PAWR: variants seen among roughly 807,000 people sequenced by gnomAD.
PAWR encodes the protein pro-apoptotic WT1 regulator.
PAWR carries 23 observed loss-of-function variants against 32.0 expected under a neutral mutation model. The ratio of observed to expected loss-of-function variants is 0.72; its 90% CI spans 0.52 to 1.02. PAWR has a LOEUF of 1.02. Ranked by LOEUF, PAWR falls within the 50% of genes least tolerant of loss-of-function variation. The probability of loss-of-function intolerance (pLI) is 0.00; values close to 1 mark genes in which losing one functional copy is unlikely to be tolerated. For missense variants in PAWR, 457 were observed against 437.7 expected (o/e 1.04, Z -0.39); for synonymous variants, 226 against 187.1 (o/e 1.21, Z -1.70).
At chr12:79,607,054 T>C (rs953022200) in intron 4 of PAWR, among the ~76,000 whole-genome samples, 5 of 152,178 alleles carry the variant, frequency 3.3e-5, no homozygotes, top group African/African-American at 7.2e-5. Context: ...TGTTTTCAAA[T>C]CTATTAACTA....
intron 2 of PAWR, among the ~76,000 whole-genome samples, chr12:79,643,956 T>C (rs1054358052): frequency 3.9e-5 from 6 of 152,186 alleles, no homozygotes; most frequent in Non-Finnish European, 5.9e-5. Flanking sequence ...CTATGTGTCA[T>C]GCTGCTCTAT....
chr12:79,603,665 C>CAATTTTTTTTTT lies in PAWR; in HGVS notation c.684-7008_684-7007insAAAAAAAAAATT, dbSNP rs1565998443. 4.9e-5 allele frequency: 7 copies of CAATTTTTTTTTT among 141,450 alleles called. 1 individual carries two copies. The highest frequency in any genetic ancestry group is 1.3e-4 in the African/African-American group (5 of 38,032). The allele number at this position is 141,450 out of a possible 1,614,324, so 8.8% of individuals were successfully genotyped here. On this transcript the variant is annotated intron_variant, in intron 4 of 6. Coordinates refer to ENST00000328827, the MANE Select transcript of PAWR (RefSeq NM_002583.4). ...TCAATACATAAACGGCATCATTATG[C>CAATTTTTTTTTT]TATTTTTTTTTTTTTTTTTTTTTTT...
chr12:79,632,345 ATATATATATATATATATT>A (rs1875728138), intron 2 of PAWR, among the ~76,000 whole-genome samples: 26 of 58,760 alleles, frequency 4.4e-4, no homozygotes, highest in African/African-American at 3.9e-3. Flanking sequence ...ATATATATAT[ATATATATATATATATATT>A]TTTTTTTTTT....
intron 2 of PAWR, among the ~76,000 whole-genome samples, chr12:79,685,304 T>C (rs78573572): frequency 1.8e-3 from 270 of 152,298 alleles, no homozygotes; most frequent in African/African-American, 5.8e-3. Flanking sequence ...CATTATTAGT[T>C]TCTCTCCTGA....
intron 4 of PAWR, chr12:79,604,115 A>G (rs1383995830): frequency 2.7e-6 from 1 of 366,926 alleles, no homozygotes; most frequent in Non-Finnish European, 3.8e-6. Flanking sequence ...CATTTAACCT[A>G]TTTTGAAAGC....
At chr12:79,616,271 G>A (rs1874728903) in intron 3 of PAWR, among the ~76,000 whole-genome samples, 1 of 151,968 alleles carries the variant, frequency 6.6e-6, no homozygotes, top group Non-Finnish European at 1.5e-5. Context: ...TCTCACATCT[G>A]TCTCATTTTG....
At chr12:79,632,792 G>A (rs1337791179) in intron 2 of PAWR, among the ~76,000 whole-genome samples, 1 of 152,014 alleles carries the variant, frequency 6.6e-6, no homozygotes, top group Non-Finnish European at 1.5e-5. Context: ...AAAGGAAAAA[G>A]TTAACTTCAG....
intron 2 of PAWR, among the ~76,000 whole-genome samples, chr12:79,646,777 C>A (rs1174095561): frequency 6.6e-6 from 1 of 152,100 alleles, no homozygotes; most frequent in Non-Finnish European, 1.5e-5. Context: ...TATGTAGTTA[C>A]TTTAATATAC....
chr12:79,622,463 C>T (rs1483920789), intron 2 of PAWR, among the ~76,000 whole-genome samples: 1 of 152,132 alleles, frequency 6.6e-6, no homozygotes, highest in Admixed American at 6.5e-5. Context: ...CCCTCTCCCC[C>T]AACCCCACGA....
chr12:79,622,350 C>A (rs1482195362), intron 2 of PAWR, among the ~76,000 whole-genome samples: 1 of 152,024 alleles, frequency 6.6e-6, no homozygotes, highest in Admixed American at 6.6e-5. Context: ...GGTACATGTG[C>A]ACAATGTGCA....
At chr12:79,602,733 G>C (rs1488445561) in intron 4 of PAWR, among the ~76,000 whole-genome samples, 1 of 151,622 alleles carries the variant, frequency 6.6e-6, no homozygotes, top group African/African-American at 2.4e-5. Context: ...GATTATACAG[G>C]TATGGAGCTA....
chr12:79,669,267 G>C (rs1035346278), intron 2 of PAWR, among the ~76,000 whole-genome samples: 2 of 152,164 alleles, frequency 1.3e-5, no homozygotes, highest in African/African-American at 4.8e-5. Context: ...AACTTAAAAA[G>C]TAATTTGCAA....
At chr12:79,606,224 C>T (rs181395844) in intron 4 of PAWR, among the ~76,000 whole-genome samples, 8 of 152,162 alleles carry the variant, frequency 5.3e-5, no homozygotes, top group Admixed American at 1.3e-4. Flanking sequence ...TGGATATGAA[C>T]GGTATGAAGT....
chr12:79,675,297 T>A (rs980994866), intron 2 of PAWR, among the ~76,000 whole-genome samples: 1 of 152,106 alleles, frequency 6.6e-6, no homozygotes, highest in Admixed American at 6.5e-5. Flanking sequence ...GAGGATCACT[T>A]GAGCCTGGAA....
At chr12:79,622,711 C>T (rs1486374472) in intron 2 of PAWR, among the ~76,000 whole-genome samples, 1 of 152,130 alleles carries the variant, frequency 6.6e-6, no homozygotes. Flanking sequence ...TGTCACCTGG[C>T]CCTTGTCATA....
Position 79,587,094 on chromosome 12 carries a change from G to C in PAWR, c.*5513C>G, listed in dbSNP as rs1565992748. ...ATAAACACAAAGTGAATCTAGAAGGGAAAAAATTGAGTTTGATGAAGTCTA... is the reference window on the plus strand; with the variant it reads ...ATAAACACAAAGTGAATCTAGAAGGCAAAAAATTGAGTTTGATGAAGTCTA... On this transcript the variant is annotated 3_prime_UTR_variant, in exon 7 of 7. Coordinates refer to ENST00000328827, the MANE Select transcript of PAWR (RefSeq NM_002583.4). 1.3e-5 allele frequency: 2 copies of C among 152,052 alleles called. No homozygotes were observed. The highest frequency in any genetic ancestry group is 1.3e-4 in the Admixed American group (2 of 15,262). The allele number at this position is 152,052 out of a possible 1,614,324, so 9.4% of individuals were successfully genotyped here.
chr12:79,593,200 G>A (rs1414405848), intron 6 of PAWR, among the ~76,000 whole-genome samples: 3 of 152,138 alleles, frequency 2.0e-5, no homozygotes, highest in Non-Finnish European at 2.9e-5. Flanking sequence ...CTGGAGAGGT[G>A]ACAAAACTGA....
intron 2 of PAWR, among the ~76,000 whole-genome samples, chr12:79,629,922 A>G (rs1875525862): frequency 6.6e-6 from 1 of 152,160 alleles, no homozygotes; most frequent in African/African-American, 2.4e-5. Context: ...ATATTTTCAA[A>G]TGAATTTTAA....
At chr12:79,656,279 C>T (rs1174462885) in intron 2 of PAWR, among the ~76,000 whole-genome samples, 4 of 152,182 alleles carry the variant, frequency 2.6e-5, no homozygotes, top group Non-Finnish European at 4.4e-5. Context: ...AAAGAGCAGA[C>T]TAGAGGCAGA....
Sources: allele counts gnomAD v4.1 joint callset (sites outside exome capture counted in the v4.1 genomes callset), GRCh38; gene constraint gnomAD v4.1.1; transcripts MANE v1.5; gene names NCBI Gene and HGNC (gene_info 2026-07-23, HGNC 2026-07-21).